Variants in CACNA1S observed in about 807,000 individuals in gnomAD.
CACNA1S encodes calcium voltage-gated channel subunit alpha1 S, also known as voltage-dependent L-type calcium channel subunit alpha-1S.
CACNA1S carries 126 observed loss-of-function variants against 207.4 expected under a neutral mutation model. The ratio of observed to expected loss-of-function variants is 0.61; its 90% CI spans 0.53 to 0.70. CACNA1S has a LOEUF of 0.70. Among genes scored for constraint, CACNA1S ranks in the 30% least tolerant of loss-of-function variants. The pLI is 0.00. For missense variants in CACNA1S, 2,349 were observed against 2,422.8 expected (o/e 0.97, Z 0.64); for synonymous variants, 960 against 932.7 (o/e 1.03, Z -0.53).
At position 201,075,969 on chromosome 1, in the gene CACNA1S, G is replaced by A. The variant is rs184210244; in HGVS notation, c.1828-354C>T. The stretch of plus-strand genomic sequence containing the variant: ...TGTAATCCCAGCTATTTGGGAGGCT[G>A]AGGTAGGAGAATTGCTTGAACCCAG... On this transcript the variant is annotated intron_variant, in intron 12 of 43. Transcript: ENST00000362061. Among the ~76,000 whole-genome samples the A allele has an allele frequency of 1.9e-3, 283 of 152,368 alleles. 2 individuals carry two copies. Among genetic ancestry groups the A allele is most frequent in the African/African-American group, 6.4e-3 (267 of 41,586 alleles).
At chr1:201,095,188 G>A (rs757056489) in intron 2 of CACNA1S, among the ~76,000 whole-genome samples, 12 of 150,388 alleles carry the variant, frequency 8.0e-5, no homozygotes, top group Non-Finnish European at 1.3e-4. Flanking sequence ...ACATATGTAC[G>A]TGTGTATATA....
At chr1:201,092,139 G>A (rs1572062737) in intron 3 of CACNA1S, 25 bp from the exon 4 acceptor site, 2 of 1,613,972 alleles carry the variant, frequency 1.2e-6, no homozygotes, top group East Asian at 4.5e-5. Flanking sequence ...AGGGAGAGAG[G>A]GGGTCCAGGG....
At position 201,056,215 on chromosome 1, in the gene CACNA1S, G is replaced by T. The variant is rs142446456; in HGVS notation, c.3610-1654C>A. Among the ~76,000 whole-genome samples the T allele has an allele frequency of 9.7e-3, 1,478 of 152,300 alleles. 30 individuals are homozygous for T. Among genetic ancestry groups the T allele is most frequent in the African/African-American group, 0.033 (1,387 of 41,560 alleles). The stretch of plus-strand genomic sequence containing the variant: ...TGTTCTGTGCATGGAGGGTGAACAG[G>T]GTTCCCACCCTGGCCCTCCCCTAGC... On this transcript the variant is annotated intron_variant, in intron 28 of 43. Transcript: ENST00000362061.
In CACNA1S at chr1:201,112,163, C is replaced by T. The variant is rs751250483; in HGVS notation, c.152+25G>A. 1.5e-5 allele frequency: 24 copies of T among 1,607,254 alleles called. No individual in the cohort carries two copies. In the East Asian group the frequency reaches 1.8e-4, roughly 12 times the overall value. On this transcript the variant is annotated intron_variant, in intron 1 of 43. Coordinates refer to ENST00000362061, the MANE Select transcript of CACNA1S (RefSeq NM_000069.3). ...CCTCCCTCATGACGCACACCCCCCC[C>T]CACGGCCCGGGCCCTGAAGGATACT... is the stretch of plus-strand genomic sequence containing the variant.
chr1:201,052,616 G>T lies in CACNA1S; in HGVS notation c.3894C>A (p.Thr1298=), dbSNP rs1660694016. The change falls in exon 32 of 44, where the codon ACC becomes ACA. Residue 1298 remains threonine (T), a synonymous_variant. Coordinates refer to ENST00000362061, the MANE Select transcript of CACNA1S (RefSeq NM_000069.3). ...MFGKIALVDG[T]QINRNNNFQT... ...GGAAGTTGTTGTTCCGGTTTATTTG[G>T]GTCCCATCCACCAAGGCGATCTTCC... is the stretch of plus-strand genomic sequence containing the variant. The T allele has an allele frequency of 6.2e-7, 1 of 1,613,842 alleles. No homozygotes were observed. The highest frequency in any genetic ancestry group is 8.5e-7 in the Non-Finnish European group (1 of 1,179,970).
At position 201,105,561 on chromosome 1, in the gene CACNA1S, C is replaced by T. The variant is rs147908832; in HGVS notation, c.258+4603G>A. ...CCATAATGGGCTGATTTCAGAGGCC[C>T]GTGCCACTGTGACATCCCACAGTTG... On this transcript the variant is annotated intron_variant, in intron 2 of 43. Transcript: ENST00000362061. 4.4e-3 allele frequency among the ~76,000 whole-genome samples: 672 copies of T among 152,274 alleles called. 6 individuals are homozygous for T. Among genetic ancestry groups the T allele is most frequent in the African/African-American group, 0.015 (634 of 41,544 alleles).
At chr1:201,106,382 C>A (rs796557694) in intron 2 of CACNA1S, among the ~76,000 whole-genome samples, 4 of 151,782 alleles carry the variant, frequency 2.6e-5, no homozygotes, top group South Asian at 2.1e-4. Flanking sequence ...TTTTCTAAAT[C>A]CCCCCCTGAC....
At chr1:201,085,725 G>T in intron 7 of CACNA1S, 144 bp from the exon 8 acceptor site, 1 of 866,964 alleles carries the variant, frequency 1.2e-6, no homozygotes, top group Non-Finnish European at 1.8e-6. Context: ...GGGTCCAGGT[G>T]CCCCTCAAGG....
chr1:201,052,731 A>T (rs1558057441), intron 31 of CACNA1S, 83 bp from the exon 32 acceptor site: 7 of 1,159,238 alleles, frequency 6.0e-6, no homozygotes, highest in Non-Finnish European at 1.3e-6. Context: ...CTCCTGCCTG[A>T]CCCCTACCTT....
chr1:201,096,257 G>T (rs1006629788), intron 2 of CACNA1S, among the ~76,000 whole-genome samples: 2 of 152,154 alleles, frequency 1.3e-5, no homozygotes, highest in Admixed American at 6.5e-5. Flanking sequence ...CCCAACCCTG[G>T]AGTGCCTGGA....
chr1:201,108,719 T>C (rs1164684193), intron 2 of CACNA1S, among the ~76,000 whole-genome samples: 1 of 152,086 alleles, frequency 6.6e-6, no homozygotes, highest in African/African-American at 2.4e-5. Context: ...CAGCTCAAGA[T>C]AGATTCCCAT....
At chr1:201,050,734 G>A (rs2102557951) in intron 33 of CACNA1S, among the ~76,000 whole-genome samples, 1 of 151,904 alleles carries the variant, frequency 6.6e-6, no homozygotes, top group East Asian at 1.9e-4. Flanking sequence ...AATTCCTTTT[G>A]ATGAGTGCTA....
intron 36 of CACNA1S, 27 bp from the exon 37 acceptor site, chr1:201,047,653 C>T (rs769051375): frequency 6.6e-7 from 1 of 1,506,688 alleles, no homozygotes; most frequent in Non-Finnish European, 9.2e-7. Flanking sequence ...GCAAAAGTTA[C>T]CCAGATCACA....
intron 16 of CACNA1S, 80 bp downstream of exon 16, chr1:201,072,675 G>C: frequency 1.0e-6 from 1 of 999,162 alleles, no homozygotes; most frequent in Non-Finnish European, 1.6e-6. Context: ...ACAAGAGACT[G>C]CCCATGGGGA....
intron 8 of CACNA1S, 107 bp from the exon 9 acceptor site, chr1:201,085,138 A>G (rs1661990749): frequency 1.2e-6 from 1 of 835,424 alleles, no homozygotes; most frequent in Non-Finnish European, 2.0e-6. Flanking sequence ...GACATCTGCA[A>G]CAATGGGTCC....
chr1:201,058,584 T>A, intron 27 of CACNA1S, 93 bp from the exon 28 acceptor site: 1 of 1,005,828 alleles, frequency 9.9e-7, no homozygotes, highest in Non-Finnish European at 1.6e-6. Flanking sequence ...CCCGAGCTAA[T>A]GCGGAGCTGC....
Position 201,099,373 on chromosome 1 carries a change from G to A in CACNA1S, c.259-5352C>T, listed in dbSNP as rs985722077. Among the ~76,000 whole-genome samples the A allele has an allele frequency of 5.3e-5, 8 of 152,280 alleles. No individual in the cohort carries two copies. The South Asian group carries it at 1.7e-3, about 32-fold the overall frequency. Reference sequence around the variant, plus strand: ...GAAAGGACCTTACTGGGCTGGCCTGGGAAGGGGCTGGCAGAGGCAGCAAAG... The same window carrying A: ...GAAAGGACCTTACTGGGCTGGCCTGAGAAGGGGCTGGCAGAGGCAGCAAAG... On this transcript the variant is annotated intron_variant, in intron 2 of 43. Transcript: ENST00000362061.
chr1:201,072,563 G>A (rs1369836737), intron 16 of CACNA1S, among the ~76,000 whole-genome samples, 192 bp downstream of exon 16: 1 of 152,178 alleles, frequency 6.6e-6, no homozygotes, highest in East Asian at 1.9e-4. Context: ...TTTTTCTGTT[G>A]TGTGCATTGT....
chr1:201,052,155 A>G (rs1326688476), intron 32 of CACNA1S, among the ~76,000 whole-genome samples: 2 of 152,070 alleles, frequency 1.3e-5, no homozygotes, highest in Non-Finnish European at 2.9e-5. Flanking sequence ...CCTGCGCCCT[A>G]CCTGTGGCAG....
Sources: gnomAD v4.1 joint callset for allele counts (sites outside exome capture counted in the v4.1 genomes callset) on GRCh38, gnomAD v4.1.1 for gene constraint, MANE v1.5 for transcripts, NCBI Gene and HGNC (gene_info 2026-07-23, HGNC 2026-07-21) for gene names.